Variants in ZNF619 observed in about 807,000 individuals in gnomAD.
The protein encoded by ZNF619 is zinc finger protein 619.
Under a neutral mutation model 14.2 loss-of-function variants are expected in ZNF619, and 9 were observed. The observed-to-expected ratio is 0.64, with a 90% CI of 0.38 to 1.11. The LOEUF is 1.11. Among genes scored for constraint, ZNF619 ranks in the 50% least tolerant of loss-of-function variants. The pLI, the probability that ZNF619 is intolerant of heterozygous loss-of-function variation, is 0.01. For missense variants in ZNF619, 659 were observed against 680.1 expected (o/e 0.97, Z 0.34); for synonymous variants, 246 against 252.8 (o/e 0.97, Z 0.26).
intron 3 of ZNF619, 145 bp downstream of exon 3, chr3:40,482,161 G>A: frequency 6.5e-7 from 1 of 1,546,758 alleles, no homozygotes; most frequent in Non-Finnish European, 8.7e-7. Flanking sequence ...AGGGGTAGCT[G>A]GATGGAGAAA....
intron 4 of ZNF619, among the ~76,000 whole-genome samples, chr3:40,484,845 T>A (rs1697528715): frequency 6.6e-6 from 1 of 152,234 alleles, no homozygotes; most frequent in African/African-American, 2.4e-5. Context: ...TTAGTAAATT[T>A]CAAACTCTCG....
intron 3 of ZNF619, 183 bp from the exon 4 acceptor site, chr3:40,482,405 G>A (rs1697436304): frequency 1.3e-6 from 2 of 1,597,750 alleles, no homozygotes; most frequent in Non-Finnish European, 1.7e-6. Flanking sequence ...GGAGCATTCT[G>A]TCCTCTTAGA....
chr3:40,481,879 T>C lies in ZNF619; in HGVS notation c.41T>C (p.Leu14Pro). Residue 14 changes from leucine (L) to proline (P), a missense_variant, in exon 3 of 5, where the codon CTG becomes CCG. Coordinates refer to ENST00000432264, the MANE Select transcript of ZNF619 (RefSeq NM_001145093.4). The stretch of plus-strand genomic sequence containing the variant: ...CTTGTGCAGGGCTTGGGCAGGAACC[T>C]GTTGTTTCAGGAGCCAGTAACCTTT... ...TVWFQGLGRNLLFQEPVTFED... is the reference protein window; with the variant it reads ...TVWFQGLGRNPLFQEPVTFED... 2 of 1,610,574 alleles carry C rather than the reference T, an allele frequency of 1.2e-6. No homozygotes were observed. The highest frequency in any genetic ancestry group is 1.7e-6 in the Non-Finnish European group (2 of 1,178,476).
intron 1 of ZNF619, 169 bp from the exon 2 acceptor site, chr3:40,477,749 G>C (rs1259768856): frequency 1.8e-6 from 1 of 548,882 alleles, no homozygotes; most frequent in East Asian, 3.1e-5. Context: ...AGATCTATAG[G>C]AGAATATGCA....
chr3:40,483,035 C>T (rs1484924923), intron 4 of ZNF619, among the ~76,000 whole-genome samples: 1 of 151,786 alleles, frequency 6.6e-6, no homozygotes, highest in African/African-American at 2.4e-5. Flanking sequence ...CATAGCAAGA[C>T]CCTGTCACTA....
chr3:40,484,310 C>T (rs1416232806), intron 4 of ZNF619, among the ~76,000 whole-genome samples: 1 of 152,128 alleles, frequency 6.6e-6, no homozygotes, highest in Non-Finnish European at 1.5e-5. Flanking sequence ...TTCATAAACA[C>T]TGAATTTTAC....
At position 40,488,275 on chromosome 3, in the gene ZNF619, A is replaced by G. The variant is rs750951068; in HGVS notation, c.*34A>G. On this transcript the variant is annotated 3_prime_UTR_variant, in exon 5 of 5. Coordinates refer to ENST00000432264, the MANE Select transcript of ZNF619 (RefSeq NM_001145093.4). ...ACGTTCTCAAAATCCTTTGCACCTC[A>G]AGTTAGGGATTCCACTGGTCTCCTG... 9.5e-7 allele frequency: 1 copy of G among 1,051,708 alleles called. No individual in the cohort carries two copies. The highest frequency in any genetic ancestry group is 1.4e-6 in the Non-Finnish European group (1 of 699,050). 65.1% of individuals were successfully genotyped at this position (1,051,708 alleles called of 1,614,324 possible).
Position 40,487,718 on chromosome 3 carries a change from A to G in ZNF619, c.1208A>G (p.Asn403Ser), listed in dbSNP as rs763507093. The change falls in exon 5 of 5, where the codon AAT (asparagine) becomes AGT (serine). Residue 403 changes from asparagine (N) to serine (S), a missense_variant. By Grantham distance (46) the Asn-to-Ser change is conservative (BLOSUM62 1). Transcript: ENST00000432264. ...FHTGEQLYKCNECWKTFSCSS... is the reference protein window; with the variant it reads ...FHTGEQLYKCSECWKTFSCSS... ...ACTGGGGAACAACTCTACAAATGTAATGAATGTTGGAAAACTTTCAGCTGT... is the reference window on the plus strand; with the variant it reads ...ACTGGGGAACAACTCTACAAATGTAGTGAATGTTGGAAAACTTTCAGCTGT... The G allele has an allele frequency of 3.7e-6, 6 of 1,614,112 alleles. No homozygotes were observed. Among genetic ancestry groups the G allele is most frequent in the Middle Eastern group, 1.6e-4 (1 of 6,062 alleles).
At chr3:40,484,509 C>G (rs1457030096) in intron 4 of ZNF619, among the ~76,000 whole-genome samples, 2 of 152,172 alleles carry the variant, frequency 1.3e-5, no homozygotes, top group Non-Finnish European at 2.9e-5. Flanking sequence ...GGCAAATGCT[C>G]CTTTCTAATT....
rs1697442529 is a variant in ZNF619, at chr3:40,482,590, G to A, written c.181G>A (p.Ala61Thr). The A allele has an allele frequency of 6.2e-7, 1 of 1,613,950 alleles. No individual in the cohort carries two copies. Among genetic ancestry groups the A allele is most frequent in the Non-Finnish European group, 8.5e-7 (1 of 1,179,924 alleles). ...ENYANVTSLS[A>T]FPFPKPDLIF... is the part of the protein sequence containing the mutation. ...TGTTCCTTTTCTTTCTCCTGTAGCA[G>A]CATTTCCATTCCCCAAACCAGATCT... is the stretch of plus-strand genomic sequence containing the variant. The change falls in exon 4 of 5, where the codon GCA (alanine) becomes ACA (threonine). Residue 61 changes from alanine (A) to threonine (T), a missense_variant and splice_region_variant. Coordinates refer to ENST00000432264, the MANE Select transcript of ZNF619 (RefSeq NM_001145093.4).
rs9852518 is a variant in ZNF619 at position 40,481,918 on chromosome 3, T to G, written c.80T>G (p.Val27Gly). Reference sequence around the variant, plus strand: ...CCAGTAACCTTTGAGGATGTGGCTGTGTACTTCACCCAGAATGAATGGGCC... The same window carrying G: ...CCAGTAACCTTTGAGGATGTGGCTGGGTACTTCACCCAGAATGAATGGGCC... ...QEPVTFEDVA[V>G]YFTQNEWASL... is the part of the protein sequence containing the mutation. The change falls in exon 3 of 5, where the codon GTG becomes GGG. Residue 27 changes from valine (V) to glycine (G), a missense_variant. Transcript: ENST00000432264. 22,412 of 1,613,738 alleles carry G rather than the reference T, an allele frequency of 0.014. 629 individuals are homozygous for G. The highest frequency in any genetic ancestry group is 0.1 in the African/African-American group (7,554 of 75,002).
At chr3:40,481,706 C>T (rs998664973) in intron 2 of ZNF619, among the ~76,000 whole-genome samples, 157 bp from the exon 3 acceptor site, 1 of 152,206 alleles carries the variant, frequency 6.6e-6, no homozygotes, top group Non-Finnish European at 1.5e-5. Flanking sequence ...CAGAGGTATG[C>T]ACATGGAAAG....
At position 40,488,170 on chromosome 3, in the gene ZNF619, T is replaced by A. The variant is rs771734788; in HGVS notation, c.1660T>A (p.Phe554Ile). Residue 554 changes from phenylalanine (F) to isoleucine (I), a missense_variant, in exon 5 of 5, where the codon TTT becomes ATT. Phe to Ile is a conservative substitution (Grantham distance 21). Coordinates refer to ENST00000432264, the MANE Select transcript of ZNF619 (RefSeq NM_001145093.4). ...ANPSPVQIAH[F>I]FQDLAFPGKS... ...CCCTTCACCTGTCCAAATAGCACATTTTTTTCAGGATCTCGCTTTTCCTGG... is the reference window on the plus strand; with the variant it reads ...CCCTTCACCTGTCCAAATAGCACATATTTTTCAGGATCTCGCTTTTCCTGG... 6.2e-7 allele frequency: 1 copy of A among 1,613,672 alleles called. No homozygotes were observed.
chr3:40,477,883 C>T (rs993437785), intron 1 of ZNF619, 35 bp from the exon 2 acceptor site: 9 of 1,200,934 alleles, frequency 7.5e-6, no homozygotes, highest in East Asian at 2.6e-5. Flanking sequence ...GTGTAGGAGA[C>T]GAGACAGATC....
chr3:40,486,706 A>T (rs911653759), intron 4 of ZNF619, 100 bp from the exon 5 acceptor site: 34 of 978,650 alleles, frequency 3.5e-5, no homozygotes, highest in Non-Finnish European at 4.8e-5. Context: ...CACTCAAAAA[A>T]AAAAAAAAAT....
chr3:40,482,243 G>A (rs1479169549), intron 3 of ZNF619: 6 of 1,551,714 alleles, frequency 3.9e-6, no homozygotes, highest in East Asian at 2.4e-5. Flanking sequence ...CAACTGCAGG[G>A]GGCTTTCCTC....
chr3:40,488,308 C>G lies in ZNF619; in HGVS notation c.*67C>G. On this transcript the variant is annotated 3_prime_UTR_variant, in exon 5 of 5. Transcript: ENST00000432264. ...GATTCCACTGGTCTCCTGATTGTGT[C>G]TATTGATATTCCTCTGGTCTTGTCT... The G allele has an allele frequency of 1.3e-6, 1 of 776,662 alleles. No homozygotes were observed. The highest frequency in any genetic ancestry group is 2.2e-6 in the Non-Finnish European group (1 of 456,798). The allele number at this position is 776,662 out of a possible 1,614,324, so 48.1% of individuals were successfully genotyped here.
chr3:40,490,226 C>T lies in ZNF619; in HGVS notation c.*1985C>T, dbSNP rs1478224768. 6.6e-6 allele frequency: 1 copy of T among 152,184 alleles called. No homozygotes were observed. The highest frequency in any genetic ancestry group is 6.5e-5 in the Admixed American group (1 of 15,280). The allele number at this position is 152,184 out of a possible 1,614,324, so 9.4% of individuals were successfully genotyped here. Reference sequence around the variant, plus strand: ...ACTGTGAACTAAATAAACCTCTATTCTGTATAAATTACCCAGTCTATGGTA... The same window carrying T: ...ACTGTGAACTAAATAAACCTCTATTTTGTATAAATTACCCAGTCTATGGTA... On this transcript the variant is annotated 3_prime_UTR_variant, in exon 5 of 5. Coordinates refer to ENST00000432264, the MANE Select transcript of ZNF619 (RefSeq NM_001145093.4).
intron 1 of ZNF619, 124 bp from the exon 2 acceptor site, chr3:40,477,794 A>T: frequency 1.7e-6 from 1 of 600,532 alleles, no homozygotes; most frequent in Non-Finnish European, 3.0e-6. Context: ...GAATCAGTGG[A>T]GAGGGTGAAT....
Sources: allele counts gnomAD v4.1 joint callset (sites outside exome capture counted in the v4.1 genomes callset), GRCh38; gene constraint gnomAD v4.1.1; transcripts MANE v1.5; gene names NCBI Gene and HGNC (gene_info 2026-07-23, HGNC 2026-07-21).